Variants in LRP5 observed in about 807,000 individuals in gnomAD.
LRP5 encodes low-density lipoprotein receptor-related protein 5.
A neutral mutation model predicts 154.1 loss-of-function variants in LRP5; 62 were observed. The observed-to-expected ratio is 0.40, with a 90% CI of 0.33 to 0.50. LRP5 has a LOEUF of 0.50. Ranked by LOEUF, LRP5 falls within the 20% of genes least tolerant of loss-of-function variation. The pLI is 0.55. For synonymous variants in LRP5, 966 were observed against 1,011.5 expected (o/e 0.96, Z 0.85); for missense variants, 1,915 against 2,336.7 (o/e 0.82, Z 3.72).
intron 5 of LRP5, among the ~76,000 whole-genome samples, chr11:68,365,928 C>T (rs1481650440): frequency 2.0e-5 from 3 of 152,156 alleles, no homozygotes; most frequent in East Asian, 3.9e-4. Context: ...TTTATTTTTG[C>T]CCCAGATATT....
At chr11:68,338,867 GTTTTTTTTTTTT>G (rs11382677) in intron 1 of LRP5, among the ~76,000 whole-genome samples, 1 of 91,940 alleles carries the variant, frequency 1.1e-5, no homozygotes. Flanking sequence ...CTTTTGTTTA[GTTTTTTTTTTTT>G]TTTTTTTTTT....
intron 18 of LRP5, among the ~76,000 whole-genome samples, chr11:68,435,803 G>T (rs560650745): frequency 6.6e-6 from 1 of 152,278 alleles, no homozygotes; most frequent in African/African-American, 2.4e-5. Flanking sequence ...TTGGCTCACT[G>T]CAACCTCCAC....
At chr11:68,330,320 A>G (rs933700067) in intron 1 of LRP5, among the ~76,000 whole-genome samples, 4 of 151,946 alleles carry the variant, frequency 2.6e-5, no homozygotes, top group African/African-American at 7.2e-5. Flanking sequence ...TGGAGGACAC[A>G]TGGCTTTCAG....
At position 68,366,252 on chromosome 11, in the gene LRP5, G is replaced by A. The variant is rs1490083304; in HGVS notation, c.1015+550G>A. Among the ~76,000 whole-genome samples the A allele has an allele frequency of 1.4e-4, 22 of 152,288 alleles. No homozygotes were observed. In the South Asian group the frequency reaches 3.1e-3, roughly 22 times the overall value. ...CCTCCCCGTTTCTGTAGCGTGATGG[G>A]GCCCAGCTTGCAGAAGGTGGTGGGG... is the stretch of plus-strand genomic sequence containing the variant. On this transcript the variant is annotated intron_variant, in intron 5 of 22. Coordinates refer to ENST00000294304, the MANE Select transcript of LRP5 (RefSeq NM_002335.4).
At chr11:68,445,046 A>G (rs1197443816) in intron 21 of LRP5, among the ~76,000 whole-genome samples, 2 of 152,194 alleles carry the variant, frequency 1.3e-5, no homozygotes, top group Non-Finnish European at 2.9e-5. Context: ...GGATAGCCCC[A>G]GGAAGCAGGC....
chr11:68,386,524 G>C lies in LRP5; in HGVS notation c.1224G>C (p.Gln408His). 6.2e-7 allele frequency: 1 copy of C among 1,614,002 alleles called. No individual in the cohort carries two copies. The highest frequency in any genetic ancestry group is 1.3e-5 in the African/African-American group (1 of 75,050). ...CGTACCTGGACGGGTCTGGGGCGCA[G>C]ACGCTGGTCAACACCGAGATCAACG... ...RRAYLDGSGA[Q>H]TLVNTEINDP... Residue 408 changes from glutamine (Q) to histidine (H), a missense_variant, in exon 6 of 23, where the codon CAG becomes CAC. Gln to His is a conservative substitution (Grantham distance 24, BLOSUM62 0). Coordinates refer to ENST00000294304, the MANE Select transcript of LRP5 (RefSeq NM_002335.4). This position sits in a 1 kb window ranked among gnomAD's most constrained non-coding sequence, Gnocchi z 7.9.
At position 68,358,510 on chromosome 11, in the gene LRP5, C is replaced by T. The variant is rs908893075; in HGVS notation, c.686+663C>T. ...GAATTGTTGGGGAGGGCTTATGGCC[C>T]GGCAGGGTTGTGAACAGTAACCCTG... On this transcript the variant is annotated intron_variant, in intron 3 of 22. Transcript: ENST00000294304. Among the ~76,000 whole-genome samples, 8 of 152,180 alleles carry T rather than the reference C, an allele frequency of 5.3e-5. 1 individual carries two copies. In the South Asian group the frequency reaches 8.3e-4, roughly 16 times the overall value.
intron 8 of LRP5, among the ~76,000 whole-genome samples, chr11:68,404,976 CAA>C (rs57270982): frequency 2.2e-4 from 9 of 41,030 alleles, no homozygotes; most frequent in Non-Finnish European, 1.5e-4. Flanking sequence ...GACTCCGTCT[CAA>C]AAAAAAAAAA....
At chr11:68,443,583 A>ATTTTTTTTT (rs1352836968) in intron 21 of LRP5, among the ~76,000 whole-genome samples, 1 of 33,064 alleles carries the variant, frequency 3.0e-5, no homozygotes, top group Non-Finnish European at 5.5e-5. Flanking sequence ...ATATATATAT[A>ATTTTTTTTT]TATTTTTTTT....
chr11:68,375,282 T>C (rs1018142754), intron 5 of LRP5, among the ~76,000 whole-genome samples: 4 of 152,192 alleles, frequency 2.6e-5, no homozygotes, highest in African/African-American at 9.7e-5. Context: ...GGGCCCCAAG[T>C]CTGCTGAGCT....
chr11:68,443,239 G>A (rs1333375369), intron 21 of LRP5, among the ~76,000 whole-genome samples: 3 of 151,812 alleles, frequency 2.0e-5, no homozygotes, highest in Non-Finnish European at 2.9e-5. Flanking sequence ...GTGATGGCTT[G>A]CAGCTGTAAT....
At chr11:68,402,656 C>G (rs1444090809) in intron 7 of LRP5, among the ~76,000 whole-genome samples, 1 of 152,026 alleles carries the variant, frequency 6.6e-6, no homozygotes, top group Non-Finnish European at 1.5e-5. Context: ...TGCTCCAGGT[C>G]CTGCCCCAGG....
At chr11:68,416,198 C>A in intron 12 of LRP5, 130 bp from the exon 13 acceptor site, 3 of 767,428 alleles carry the variant, frequency 3.9e-6, no homozygotes, top group East Asian at 2.5e-5. Flanking sequence ...CCTGGTCCCC[C>A]CGTCTTTCCC....
rs2153130131 is a variant in LRP5 at position 68,348,576 on chromosome 11, C to G, written c.488+333C>G. On this transcript the variant is annotated intron_variant, in intron 2 of 22. Transcript: ENST00000294304. ...GGTTGGTTCAGGCCTGTAACCCCAG[C>G]ACTCGGTGTCACTCTTAAAATGAAC... Among the ~76,000 whole-genome samples the G allele has an allele frequency of 2.1e-5, 3 of 145,342 alleles. No individual in the cohort carries two copies. In the South Asian group the frequency reaches 6.6e-4, roughly 32 times the overall value.
chr11:68,372,844 G>A (rs1456223681), intron 5 of LRP5, among the ~76,000 whole-genome samples: 2 of 152,148 alleles, frequency 1.3e-5, no homozygotes, highest in African/African-American at 2.4e-5. Context: ...TGGGGAGGAC[G>A]GAGGGGGGTG....
chr11:68,427,980 TTTA>T (rs1459930866), intron 16 of LRP5, among the ~76,000 whole-genome samples: 4 of 146,842 alleles, frequency 2.7e-5, no homozygotes, highest in Non-Finnish European at 6.0e-5. Flanking sequence ...ATTTTTTTTA[TTTA>T]TTTATTTATT....
chr11:68,420,898 T>C (rs1292473984), intron 13 of LRP5, among the ~76,000 whole-genome samples: 3 of 152,020 alleles, frequency 2.0e-5, no homozygotes, highest in Non-Finnish European at 4.4e-5. Context: ...GTAAGAAAGT[T>C]TGCACTAACC....
intron 3 of LRP5, among the ~76,000 whole-genome samples, chr11:68,359,790 GT>G (rs769629929): frequency 0.027 from 3,735 of 138,310 alleles, 144 homozygotes; most frequent in African/African-American, 0.092. Context: ...TTGTTTGTTT[GT>G]TTTTTTTTTT....
intron 21 of LRP5, chr11:68,445,778 C>T (rs2098681121): frequency 5.5e-6 from 4 of 727,594 alleles, no homozygotes; most frequent in South Asian, 3.1e-5. Flanking sequence ...CTGGGGGGCA[C>T]GTTCACGTGG....
Sources: gnomAD v4.1 joint callset for allele counts (sites outside exome capture counted in the v4.1 genomes callset) on GRCh38, gnomAD v4.1.1 for gene constraint, Gnocchi (gnomAD v3.1) non-coding constraint, MANE v1.5 for transcripts, NCBI Gene and HGNC (gene_info 2026-07-23, HGNC 2026-07-21) for gene names.